The following FBXO4 variants were observed in gnomAD, a reference collection of about 807,000 sequenced individuals.
FBXO4 encodes the protein F-box only protein 4.
FBXO4 carries 36 observed loss-of-function variants against 43.7 expected under a neutral mutation model. The observed-to-expected ratio is 0.82, with a 90% CI of 0.63 to 1.09. The LOEUF is 1.09. FBXO4 is among the 50% of genes least tolerant of loss of function. The probability of loss-of-function intolerance (pLI) is 0.00; values close to 1 mark genes in which losing one functional copy is unlikely to be tolerated. For synonymous variants in FBXO4, 180 were observed against 165.6 expected (o/e 1.09, Z -0.67); for missense variants, 435 against 474.1 (o/e 0.92, Z 0.77).
chr5:41,987,205 C>A, the FBXO4 span, among the ~76,000 whole-genome samples: 8 of 152,032 alleles, frequency 5.3e-5, no homozygotes, highest in East Asian at 1.5e-3. Flanking sequence ...ACATTATGTT[C>A]ATTTAGAAAG....
the FBXO4 span, among the ~76,000 whole-genome samples, chr5:41,974,686 C>G: frequency 6.6e-6 from 1 of 152,094 alleles, no homozygotes; most frequent in Non-Finnish European, 1.5e-5. Flanking sequence ...TCTCTTAGAA[C>G]TTTAAAACAT....
chr5:42,024,223 T>G, the FBXO4 span, among the ~76,000 whole-genome samples: 1 of 152,074 alleles, frequency 6.6e-6, no homozygotes, highest in Admixed American at 6.6e-5. Context: ...GTTATTTAAT[T>G]TATATGTGTG....
At chr5:42,015,042 T>A in the FBXO4 span, among the ~76,000 whole-genome samples, 1 of 152,268 alleles carries the variant, frequency 6.6e-6, no homozygotes, top group East Asian at 1.9e-4. Flanking sequence ...CCCAGTGGCA[T>A]TCCAAGAGTA....
At chr5:42,032,724 C>A in the FBXO4 span, among the ~76,000 whole-genome samples, 1 of 152,152 alleles carries the variant, frequency 6.6e-6, no homozygotes, top group African/African-American at 2.4e-5. Flanking sequence ...TGCTCTACCC[C>A]CCCGTGGCTG....
the FBXO4 span, among the ~76,000 whole-genome samples, chr5:42,001,944 G>T: frequency 2.0e-5 from 3 of 152,086 alleles, no homozygotes; most frequent in Non-Finnish European, 2.9e-5. Flanking sequence ...CGATCTGCTC[G>T]CTTCAGTCTC....
intron 2 of FBXO4, among the ~76,000 whole-genome samples, chr5:41,929,313 C>T (rs1383670194): frequency 1.3e-5 from 2 of 152,192 alleles, no homozygotes; most frequent in African/African-American, 4.8e-5. Context: ...TGACAATAAA[C>T]TTGTTGTTCA....
the FBXO4 span, chr5:41,951,826 C>A: frequency 4.7e-6 from 1 of 214,058 alleles, no homozygotes; most frequent in East Asian, 1.4e-4. Flanking sequence ...AATCAGTAAC[C>A]ACCAGCAATG....
At chr5:41,961,285 C>T in the FBXO4 span, among the ~76,000 whole-genome samples, 8 of 152,058 alleles carry the variant, frequency 5.3e-5, no homozygotes, top group African/African-American at 1.9e-4. Context: ...TAAGGTCCTC[C>T]CAATCTTTTT....
chr5:41,991,722 T>C, the FBXO4 span, among the ~76,000 whole-genome samples: 1 of 152,242 alleles, frequency 6.6e-6, no homozygotes, highest in African/African-American at 2.4e-5. Flanking sequence ...TATCTCCTAA[T>C]CTGTAGAGGT....
chr5:41,939,117 G>C (rs1356341481), intron 5 of FBXO4, among the ~76,000 whole-genome samples: 2 of 152,200 alleles, frequency 1.3e-5, no homozygotes, highest in Non-Finnish European at 2.9e-5. Flanking sequence ...ACAAAATGCA[G>C]ATGGTCCAAA....
At chr5:42,013,241 C>T in the FBXO4 span, among the ~76,000 whole-genome samples, 13 of 152,230 alleles carry the variant, frequency 8.5e-5, 1 homozygote, top group East Asian at 2.3e-3. Context: ...AATTGCACTA[C>T]TGCACTCCAG....
the FBXO4 span, chr5:41,951,646 C>T: frequency 4.9e-6 from 1 of 203,514 alleles, no homozygotes; most frequent in Non-Finnish European, 9.9e-6. Flanking sequence ...TGGCGCCAAG[C>T]ACGTGCATAA....
chr5:42,000,324 A>G, the FBXO4 span, among the ~76,000 whole-genome samples: 4 of 152,318 alleles, frequency 2.6e-5, no homozygotes, highest in African/African-American at 9.6e-5. Flanking sequence ...TAAGATACTG[A>G]TTGCATTTCA....
chr5:41,980,931 A>G, the FBXO4 span, among the ~76,000 whole-genome samples: 15 of 152,092 alleles, frequency 9.9e-5, no homozygotes, highest in African/African-American at 3.1e-4. Context: ...GCTAACATTC[A>G]TAGTATGTCA....
intron 4 of FBXO4, 48 bp from the exon 5 acceptor site, chr5:41,934,085 G>A: frequency 1.2e-6 from 2 of 1,611,094 alleles, no homozygotes; most frequent in Non-Finnish European, 1.7e-6. Flanking sequence ...GGTGAGTGGA[G>A]CCTGTTTAGT....
chr5:41,937,612 G>A lies in FBXO4; in HGVS notation c.899-1829G>A, dbSNP rs539076309. ...TTCACCTAAATCCCTATTCTCCCAA[G>A]ACTACTTAGTCTAATTTTATTACAG... On this transcript the variant is annotated intron_variant, in intron 5 of 6. Coordinates refer to ENST00000281623, the MANE Select transcript of FBXO4 (RefSeq NM_012176.3). Among the ~76,000 whole-genome samples, 19 of 152,202 alleles carry A rather than the reference G, an allele frequency of 1.2e-4. No homozygotes were observed. In the South Asian group the frequency reaches 3.7e-3, roughly 30 times the overall value.
At chr5:41,938,952 A>G (rs559461196) in intron 5 of FBXO4, among the ~76,000 whole-genome samples, 14 of 152,372 alleles carry the variant, frequency 9.2e-5, no homozygotes, top group Middle Eastern at 3.4e-3. Flanking sequence ...GTCAGGCTCA[A>G]TGAAGATTAC....
the FBXO4 span, among the ~76,000 whole-genome samples, chr5:41,957,004 G>A: frequency 6.6e-5 from 10 of 151,860 alleles, no homozygotes; most frequent in Non-Finnish European, 1.2e-4. Context: ...AAGCCCCTGC[G>A]CCTGGCCTTT....
chr5:41,969,392 A>G, the FBXO4 span, among the ~76,000 whole-genome samples: 2 of 152,148 alleles, frequency 1.3e-5, no homozygotes, highest in Admixed American at 1.3e-4. Flanking sequence ...CTCCCCAATT[A>G]CAGTTCTATC....
Sources: gnomAD v4.1 joint callset for allele counts (sites outside exome capture counted in the v4.1 genomes callset) on GRCh38, gnomAD v4.1.1 for gene constraint, MANE v1.5 for transcripts, NCBI Gene and HGNC (gene_info 2026-07-23, HGNC 2026-07-21) for gene names.